The following TBC1D12 variants were observed in gnomAD, a reference collection of about 807,000 sequenced individuals.
TBC1D12 encodes TBC1 domain family, member 12.
TBC1D12 carries 56 observed loss-of-function variants against 86.7 expected under a neutral mutation model. That is an observed-to-expected ratio of 0.65 (90% CI 0.52 to 0.81). The LOEUF is 0.81. Ranked by LOEUF, TBC1D12 falls within the 30% of genes least tolerant of loss-of-function variation. The pLI, the probability that TBC1D12 is intolerant of heterozygous loss-of-function variation, is 0.00. For synonymous variants in TBC1D12, 421 were observed against 411.7 expected, an observed-to-expected ratio of 1.02 and a Z score of -0.27; for missense variants, 1,023 against 1,038.8, an observed-to-expected ratio of 0.98 and a Z score of 0.21.
chr10:94,450,519 C>T (rs1014079695), intron 2 of TBC1D12, among the ~76,000 whole-genome samples: 3 of 151,864 alleles, frequency 2.0e-5, no homozygotes, highest in Non-Finnish European at 2.9e-5. Flanking sequence ...TCATTAGCCA[C>T]GAGGCTAGAG....
chr10:94,526,381 A>G (rs1195483848), intron 11 of TBC1D12, among the ~76,000 whole-genome samples: 6 of 151,384 alleles, frequency 4.0e-5, no homozygotes, highest in Non-Finnish European at 7.4e-5. Context: ...GTGAGCTGAT[A>G]TTGTACCACT....
chr10:94,465,873 CAT>C (rs1310891879), intron 2 of TBC1D12, among the ~76,000 whole-genome samples: 1 of 150,672 alleles, frequency 6.6e-6, no homozygotes, highest in East Asian at 1.9e-4. Flanking sequence ...CATATATACA[CAT>C]ACATGTATGT....
At chr10:94,454,549 G>GT (rs2055597945) in intron 2 of TBC1D12, among the ~76,000 whole-genome samples, 1 of 152,122 alleles carries the variant, frequency 6.6e-6, no homozygotes, top group Non-Finnish European at 1.5e-5. Context: ...CTCTTCATTT[G>GT]TTTTGTTCTT....
intron 2 of TBC1D12, among the ~76,000 whole-genome samples, chr10:94,471,044 G>A (rs918621150): frequency 6.6e-6 from 1 of 152,154 alleles, no homozygotes; most frequent in African/African-American, 2.4e-5. Flanking sequence ...GGGAGGCTGA[G>A]GTGGGTGGAT....
rs1302585172 is a variant in TBC1D12, at chr10:94,474,673, T to C, written c.1101T>C (p.Tyr367=). 6.2e-7 allele frequency: 1 copy of C among 1,613,738 alleles called. No homozygotes were observed. Among genetic ancestry groups the C allele is most frequent in the African/African-American group, 1.3e-5 (1 of 74,916 alleles). The change falls in exon 3 of 13, where the codon TAT becomes TAC. Residue 367 remains tyrosine (Y), a synonymous_variant. Transcript: ENST00000225235. ...TATGTTTTAATTTACTCTAGGAATA[T>C]GAAGCACGAACGGGGAGGACCTGTA... is the stretch of plus-strand genomic sequence containing the variant. The part of the protein sequence containing the change: ...QKTSKIIQQE[Y]EARTGRTCKP...
chr10:94,511,522 A>G (rs1270381076), intron 8 of TBC1D12, 61 bp from the exon 9 acceptor site: 6 of 1,033,972 alleles, frequency 5.8e-6, no homozygotes, highest in African/African-American at 1.6e-5. Flanking sequence ...AACATGTTAT[A>G]TGAAAATTAA....
chr10:94,528,260 T>C (rs1842346395), intron 11 of TBC1D12, among the ~76,000 whole-genome samples: 2 of 152,160 alleles, frequency 1.3e-5, no homozygotes, highest in African/African-American at 4.8e-5. Flanking sequence ...CTTTCATCAG[T>C]GTTTTCCTTG....
chr10:94,407,489 C>A (rs1415092853), intron 1 of TBC1D12, among the ~76,000 whole-genome samples: 3 of 152,184 alleles, frequency 2.0e-5, no homozygotes, highest in African/African-American at 4.8e-5. Context: ...CGAGACCAGC[C>A]TGGCCAATGT....
At chr10:94,451,062 T>C in intron 2 of TBC1D12, among the ~76,000 whole-genome samples, 1 of 151,860 alleles carries the variant, frequency 6.6e-6, no homozygotes, top group Admixed American at 6.6e-5. Flanking sequence ...AGGGAGAGAT[T>C]TGTTAAAGGA....
At chr10:94,478,881 C>T (rs1480387222) in intron 3 of TBC1D12, among the ~76,000 whole-genome samples, 6 of 152,014 alleles carry the variant, frequency 3.9e-5, no homozygotes, top group South Asian at 4.2e-4. Context: ...CGCTTGAACA[C>T]GGAAGGTGGA....
chr10:94,531,849 GTTATT>G (rs1253831796), intron 12 of TBC1D12, among the ~76,000 whole-genome samples: 1 of 119,564 alleles, frequency 8.4e-6, no homozygotes, highest in Non-Finnish European at 1.7e-5. Flanking sequence ...TTTATTTTAT[GTTATT>G]TTATTTTATA....
At chr10:94,522,756 A>T (rs941563571) in intron 11 of TBC1D12, among the ~76,000 whole-genome samples, 2 of 152,034 alleles carry the variant, frequency 1.3e-5, no homozygotes, top group Non-Finnish European at 2.9e-5. Context: ...TCTACTAAAT[A>T]TACAAAAACT....
At chr10:94,517,667 C>T (rs543716545) in intron 9 of TBC1D12, among the ~76,000 whole-genome samples, 1 of 152,090 alleles carries the variant, frequency 6.6e-6, no homozygotes, top group Non-Finnish European at 1.5e-5. Context: ...ATCACACTTA[C>T]TTTATAAGTT....
At chr10:94,496,221 T>TC (rs1357717518) in intron 4 of TBC1D12, among the ~76,000 whole-genome samples, 1 of 152,104 alleles carries the variant, frequency 6.6e-6, no homozygotes, top group African/African-American at 2.4e-5. Flanking sequence ...GTCTCTGACA[T>TC]CCTCACTGGT....
chr10:94,494,854 T>C (rs2056294406), intron 4 of TBC1D12, among the ~76,000 whole-genome samples: 1 of 151,956 alleles, frequency 6.6e-6, no homozygotes, highest in Non-Finnish European at 1.5e-5. Flanking sequence ...TAAGTTTTTA[T>C]TTTTTATTAT....
chr10:94,490,894 T>C (rs1334595), intron 3 of TBC1D12, among the ~76,000 whole-genome samples: 104,575 of 151,632 alleles, frequency 0.69, 36,731 homozygotes, highest in East Asian at 0.83. Flanking sequence ...TTTCTCTGGC[T>C]GTAGTTAATC....
chr10:94,436,454 T>A (rs146647154), intron 1 of TBC1D12, among the ~76,000 whole-genome samples: 7 of 152,208 alleles, frequency 4.6e-5, no homozygotes, highest in East Asian at 3.9e-4. Context: ...TTCTTTAACA[T>A]AAATTTTTGA....
At chr10:94,484,428 C>T (rs560617108) in intron 3 of TBC1D12, among the ~76,000 whole-genome samples, 178 of 151,880 alleles carry the variant, frequency 1.2e-3, no homozygotes, top group Middle Eastern at 6.8e-3. Flanking sequence ...TTAGTAGAGA[C>T]GGGGTTTCTC....
intron 2 of TBC1D12, among the ~76,000 whole-genome samples, chr10:94,465,025 A>T (rs2055785642): frequency 2.6e-5 from 4 of 152,214 alleles, no homozygotes; most frequent in Admixed American, 1.3e-4. Flanking sequence ...GAACGTTTTA[A>T]TAGTCTTTTC....
Sources: gnomAD v4.1 joint callset for allele counts (sites outside exome capture counted in the v4.1 genomes callset) on GRCh38, gnomAD v4.1.1 for gene constraint, MANE v1.5 for transcripts, NCBI Gene and HGNC (gene_info 2026-07-23, HGNC 2026-07-21) for gene names.